Variants in UBAP2 observed in about 807,000 individuals in gnomAD.
UBAP2 encodes ubiquitin-associated protein 2.
Under a neutral mutation model 139.6 loss-of-function variants are expected in UBAP2, and 75 were observed. The observed-to-expected ratio is 0.54, with a 90% CI of 0.45 to 0.65. The LOEUF is 0.65. Ranked by LOEUF, UBAP2 falls within the 30% of genes least tolerant of loss-of-function variation. The probability of loss-of-function intolerance (pLI) is 0.00; values close to 1 mark genes in which losing one functional copy is unlikely to be tolerated. For missense variants in UBAP2, 1,368 were observed against 1,369.6 expected, an observed-to-expected ratio of 1.00 and a Z score of 0.02; for synonymous variants, 526 against 526.2, an observed-to-expected ratio of 1.00 and a Z score of 0.01.
chr9:33,922,517 T>G lies in UBAP2; in HGVS notation c.3347A>C (p.Tyr1116Ser), dbSNP rs756950516. 1.1e-5 allele frequency: 18 copies of G among 1,613,636 alleles called. No homozygotes were observed. In the African/African-American group the frequency reaches 1.2e-4, roughly 11 times the overall value. The change falls in exon 29 of 29, where the codon TAC (tyrosine) becomes TCC (serine). Residue 1116 changes from tyrosine to serine, a missense_variant. Physicochemically the swap from Tyr to Ser is moderately radical, Grantham distance 144. Coordinates refer to ENST00000379238, the MANE Select transcript of UBAP2 (RefSeq NM_001370062.2). ...TCTCTTCTGGGTTTAGTTTGTCCAG[T>G]ATGGAGAGTTGCCGTAGGCAGGTTT... Reference protein sequence around the residue: ...ASKPAYGNSPYWTN With the variant: ...ASKPAYGNSPSWTN
intron 6 of UBAP2, among the ~76,000 whole-genome samples, chr9:33,975,951 C>T (rs564680905): frequency 1.3e-5 from 2 of 152,188 alleles, no homozygotes; most frequent in Non-Finnish European, 2.9e-5. Context: ...CATGGTGGCT[C>T]ACACCTGTAA....
At chr9:33,966,402 G>A (rs1288578910) in intron 8 of UBAP2, among the ~76,000 whole-genome samples, 1 of 151,988 alleles carries the variant, frequency 6.6e-6, no homozygotes, top group Non-Finnish European at 1.5e-5. Context: ...GTTGCAGTGA[G>A]TTGAGATCGC....
In UBAP2 at chr9:33,986,709, T is replaced by C. The variant is rs150880434; in HGVS notation, c.520+51A>G. ...GTCACAGTCCAGCAACGCAACTGCC[T>C]GCTTCTTCCCCCTAATTGAAAGCAT... On this transcript the variant is annotated intron_variant, in intron 6 of 28. Coordinates refer to ENST00000379238, the MANE Select transcript of UBAP2 (RefSeq NM_001370062.2). 322 of 1,505,214 alleles carry C rather than the reference T, an allele frequency of 2.1e-4. 1 individual carries two copies. In the East Asian group the frequency reaches 5.3e-3, roughly 25 times the overall value. 93.2% of individuals were successfully genotyped at this position (1,505,214 alleles called of 1,614,324 possible). A position where few individuals can be genotyped will look rare whatever the true frequency, so the allele number is the denominator to read the frequency against.
chr9:34,035,514 A>AATATATATATATATATATATATATAT (rs1554692782), intron 1 of UBAP2, among the ~76,000 whole-genome samples: 6 of 22,452 alleles, frequency 2.7e-4, no homozygotes, highest in East Asian at 1.8e-3. Flanking sequence ...AAAAAAAAAA[A>AATATATATATATATATATATATATAT]ATATATATAT....
chr9:33,992,652 G>A (rs1018425037), intron 4 of UBAP2, among the ~76,000 whole-genome samples: 4 of 58,902 alleles, frequency 6.8e-5, no homozygotes, highest in Non-Finnish European at 1.2e-4. Context: ...ACAACTTATC[G>A]GGCGGAGGGG....
At chr9:33,980,338 T>C (rs890666447) in intron 6 of UBAP2, among the ~76,000 whole-genome samples, 2 of 140,476 alleles carry the variant, frequency 1.4e-5, no homozygotes, top group African/African-American at 5.2e-5. Flanking sequence ...GTTCACGCCA[T>C]TCTCCTGCCT....
intron 12 of UBAP2, among the ~76,000 whole-genome samples, chr9:33,953,070 G>A (rs1175298662): frequency 6.6e-6 from 1 of 152,082 alleles, no homozygotes. Flanking sequence ...TAGAGACAGA[G>A]TTTTGCCCAG....
intron 6 of UBAP2, among the ~76,000 whole-genome samples, chr9:33,979,988 G>A (rs985322667): frequency 5.3e-5 from 8 of 151,868 alleles, no homozygotes; most frequent in Admixed American, 3.3e-4. Flanking sequence ...CAGGAGAATT[G>A]CTTGAACCTG....
At chr9:33,936,317 T>C (rs926691762) in intron 16 of UBAP2, among the ~76,000 whole-genome samples, 11 of 152,054 alleles carry the variant, frequency 7.2e-5, no homozygotes, top group African/African-American at 2.2e-4. Context: ...CTTTTTGAGA[T>C]GGTGTCTTGC....
chr9:33,939,394 T>G (rs1824890729), intron 16 of UBAP2, among the ~76,000 whole-genome samples: 1 of 151,712 alleles, frequency 6.6e-6, no homozygotes, highest in African/African-American at 2.4e-5. Flanking sequence ...AGACAGGGTT[T>G]CACCATGTTG....
chr9:34,023,775 G>A (rs570800998), intron 1 of UBAP2, among the ~76,000 whole-genome samples: 1 of 152,322 alleles, frequency 6.6e-6, no homozygotes, highest in African/African-American at 2.4e-5. Context: ...GCCGGGTGCA[G>A]TAGCTCACGC....
intron 4 of UBAP2, among the ~76,000 whole-genome samples, chr9:33,989,977 C>A (rs1314909734): frequency 3.3e-5 from 5 of 152,068 alleles, no homozygotes; most frequent in Admixed American, 2.0e-4. Context: ...CCAAAGAATT[C>A]TTCTAGTGAG....
rs1428101486 is a variant in UBAP2, at chr9:33,923,026, T to G, written c.3012A>C (p.Ser1004=). 6.2e-7 allele frequency: 1 copy of G among 1,614,000 alleles called. No individual in the cohort carries two copies. Among genetic ancestry groups the G allele is most frequent in the Non-Finnish European group, 8.5e-7 (1 of 1,180,002 alleles). The change falls in exon 27 of 29, where the codon TCA becomes TCC. Residue 1004 remains serine (S), a synonymous_variant. Transcript: ENST00000379238. ...GTAGACCAGTGGTGCTTGAAGACACTGATACTCCTAGGAGGAAAAGCAGTT... is the reference window on the plus strand; with the variant it reads ...GTAGACCAGTGGTGCTTGAAGACACGGATACTCCTAGGAGGAAAAGCAGTT... ...SAGSGPGKGV[S]VSSSTTGLPD...
At position 34,017,039 on chromosome 9, in the gene UBAP2, C is replaced by G. The variant is rs1470234482; in HGVS notation, c.99+11G>C. 1.4e-5 allele frequency: 21 copies of G among 1,549,888 alleles called. No homozygotes were observed. The highest frequency in any genetic ancestry group is 1.6e-5 in the Non-Finnish European group (19 of 1,153,536). On this transcript the variant is annotated intron_variant, in intron 2 of 28. Transcript: ENST00000379238. ...AAGGAAAAAAAAAAAAAGAGTTCCA[C>G]AAAAACTTACCTGTACCACTTGTTT...
intron 13 of UBAP2, among the ~76,000 whole-genome samples, chr9:33,947,428 TG>T (rs1564025466): frequency 6.6e-6 from 1 of 152,132 alleles, no homozygotes; most frequent in Non-Finnish European, 1.5e-5. Flanking sequence ...AGTCTACACA[TG>T]GGACCTTTAC....
At chr9:33,961,884 AAG>A (rs2131011910) in intron 9 of UBAP2, among the ~76,000 whole-genome samples, 1 of 152,330 alleles carries the variant, frequency 6.6e-6, no homozygotes, top group Admixed American at 6.5e-5. Context: ...TTCCTAGAAA[AAG>A]AGTCCTTATT....
At chr9:33,947,724 C>G (rs1029884349) in intron 13 of UBAP2, among the ~76,000 whole-genome samples, 5 of 151,590 alleles carry the variant, frequency 3.3e-5, no homozygotes, top group African/African-American at 9.7e-5. Context: ...ACTAGAGAGG[C>G]TGAGGTGGGA....
intron 2 of UBAP2, among the ~76,000 whole-genome samples, chr9:34,010,878 T>C (rs1823702190): frequency 6.6e-6 from 1 of 152,184 alleles, no homozygotes; most frequent in African/African-American, 2.4e-5. Context: ...AACTACTTCA[T>C]GCAGATATGT....
chr9:34,003,595 T>C lies in UBAP2; in HGVS notation c.100-4731A>G, dbSNP rs377589509. On this transcript the variant is annotated intron_variant, in intron 2 of 28. Coordinates refer to ENST00000379238, the MANE Select transcript of UBAP2 (RefSeq NM_001370062.2). ...TAATTTTTACTATTTTTAGTACAGATGCGGTTTCACCATGTTATTCAGGCT... is the reference window on the plus strand; with the variant it reads ...TAATTTTTACTATTTTTAGTACAGACGCGGTTTCACCATGTTATTCAGGCT... 2.6e-5 allele frequency among the ~76,000 whole-genome samples: 4 copies of C among 151,746 alleles called. No homozygotes were observed. The East Asian group carries it at 5.8e-4, about 22-fold the overall frequency.
Sources: allele counts gnomAD v4.1 joint callset (sites outside exome capture counted in the v4.1 genomes callset), GRCh38; gene constraint gnomAD v4.1.1; transcripts MANE v1.5; gene names NCBI Gene and HGNC (gene_info 2026-07-23, HGNC 2026-07-21).